Variants in ALDH1A1 observed in about 807,000 individuals in gnomAD.
The protein encoded by ALDH1A1 is aldehyde dehydrogenase 1A1.
A neutral mutation model predicts 62.1 loss-of-function variants in ALDH1A1; 19 were observed. The ratio of observed to expected loss-of-function variants is 0.31; its 90% confidence interval spans 0.21 to 0.45. ALDH1A1 has a LOEUF of 0.45. Among genes scored for constraint, ALDH1A1 ranks in the 20% least tolerant of loss-of-function variants. ALDH1A1 has a pLI of 1.00. For missense variants in ALDH1A1, 521 were observed against 607.1 expected (o/e 0.86, Z 1.49); for synonymous variants, 231 against 215.9 (o/e 1.07, Z -0.61).
chr9:72,935,962 T>A (rs997025929), intron 2 of ALDH1A1, among the ~76,000 whole-genome samples: 8 of 152,182 alleles, frequency 5.3e-5, no homozygotes, highest in African/African-American at 1.9e-4. Context: ...TAAAAATATG[T>A]TTTAAAATAA....
At chr9:72,910,229 C>T (rs920648934) in intron 10 of ALDH1A1, among the ~76,000 whole-genome samples, 1 of 152,122 alleles carries the variant, frequency 6.6e-6, no homozygotes, top group South Asian at 2.1e-4. Flanking sequence ...AATAATAATG[C>T]TTTAAATACC....
chr9:72,906,688 G>C (rs903006857), intron 11 of ALDH1A1, among the ~76,000 whole-genome samples: 4 of 152,150 alleles, frequency 2.6e-5, no homozygotes, highest in African/African-American at 7.2e-5. Flanking sequence ...GGGAAAATTA[G>C]AATGCAGTTT....
chr9:72,934,078 G>A (rs1390205790), intron 2 of ALDH1A1, among the ~76,000 whole-genome samples: 1 of 152,102 alleles, frequency 6.6e-6, no homozygotes, highest in East Asian at 1.9e-4. Context: ...TTGCAGGCAT[G>A]AGCCACCGTC....
chr9:72,935,219 A>T (rs972387724), intron 2 of ALDH1A1, among the ~76,000 whole-genome samples: 1 of 152,178 alleles, frequency 6.6e-6, no homozygotes, highest in African/African-American at 2.4e-5. Context: ...AGCATTTTTT[A>T]AATTTTTATT....
intron 1 of ALDH1A1, among the ~76,000 whole-genome samples, chr9:72,948,168 T>C (rs1830496398): frequency 6.6e-6 from 1 of 151,882 alleles, no homozygotes; most frequent in African/African-American, 2.4e-5. Context: ...AGCTGGAAAT[T>C]GAAGCCAGGT....
chr9:72,915,219 T>A lies in ALDH1A1; in HGVS notation c.1035+1701A>T, dbSNP rs191100439. On this transcript the variant is annotated intron_variant, in intron 9 of 12. Coordinates refer to ENST00000297785, the MANE Select transcript of ALDH1A1 (RefSeq NM_000689.5). ...TACTTTAGAATCTTACAAATAGGAATTTTTAAGTCTATTTTAACTTCCTTA... is the reference window on the plus strand; with the variant it reads ...TACTTTAGAATCTTACAAATAGGAAATTTTAAGTCTATTTTAACTTCCTTA... Among the ~76,000 whole-genome samples, 387 of 152,304 alleles carry A rather than the reference T, an allele frequency of 2.5e-3. 3 individuals carry two copies. The highest frequency in any genetic ancestry group is 8.9e-3 in the African/African-American group (368 of 41,572).
chr9:72,917,084 C>A lies in ALDH1A1; in HGVS notation c.871G>T (p.Ala291Ser). 6.2e-7 allele frequency: 1 copy of A among 1,603,686 alleles called. No homozygotes were observed. Among genetic ancestry groups the A allele is most frequent in the Non-Finnish European group, 8.5e-7 (1 of 1,174,588 alleles). Residue 291 changes from alanine to serine, a missense_variant, in exon 9 of 13, where the codon GCA becomes TCA. Physicochemically the swap from Ala to Ser is moderately conservative, Grantham distance 99. Coordinates refer to ENST00000297785, the MANE Select transcript of ALDH1A1 (RefSeq NM_000689.5). ...TGGTGGTAGAATACCCCATGGTGTG[C>A]AAATTCAACAGCATTGTCCACTGCG... is the stretch of plus-strand genomic sequence containing the variant. ...DADLDNAVEF[A>S]HHGVFYHQGQ...
intron 11 of ALDH1A1, among the ~76,000 whole-genome samples, chr9:72,909,013 A>G (rs1829942819): frequency 6.6e-6 from 1 of 152,174 alleles, no homozygotes. Flanking sequence ...CCCTGTATAC[A>G]GCATAGTACC....
chr9:72,908,121 G>A (rs1034529688), intron 11 of ALDH1A1, among the ~76,000 whole-genome samples: 1 of 151,946 alleles, frequency 6.6e-6, no homozygotes, highest in East Asian at 2.0e-4. Flanking sequence ...CACAGCCTTA[G>A]AATATTGTAT....
At chr9:72,914,747 A>ATG (rs976950728) in intron 9 of ALDH1A1, among the ~76,000 whole-genome samples, 2 of 151,820 alleles carry the variant, frequency 1.3e-5, no homozygotes, top group African/African-American at 2.4e-5. Flanking sequence ...ATATATATAT[A>ATG]TTTTGTAATT....
chr9:72,918,209 T>C (rs923764511), intron 8 of ALDH1A1, among the ~76,000 whole-genome samples: 3 of 152,234 alleles, frequency 2.0e-5, no homozygotes, highest in Middle Eastern at 6.8e-3. Flanking sequence ...AATTTGTAGG[T>C]TTAATGTACA....
At chr9:72,908,587 GAAAGAAAGAAAGAA>G (rs1829928804) in intron 11 of ALDH1A1, among the ~76,000 whole-genome samples, 1 of 136,560 alleles carries the variant, frequency 7.3e-6, no homozygotes, top group Non-Finnish European at 1.6e-5. Context: ...AAGAAAGAAA[GAAAGAAAGAAAGAA>G]AGAAAGAAAG....
At chr9:72,925,100 G>A (rs1162461521) in intron 6 of ALDH1A1, among the ~76,000 whole-genome samples, 1 of 152,178 alleles carries the variant, frequency 6.6e-6, no homozygotes, top group Non-Finnish European at 1.5e-5. Flanking sequence ...ACCTTACATA[G>A]ATTAGTTTAC....
intron 11 of ALDH1A1, among the ~76,000 whole-genome samples, chr9:72,908,642 G>A (rs1829935917): frequency 6.6e-6 from 1 of 151,206 alleles, no homozygotes; most frequent in African/African-American, 2.4e-5. Context: ...TATTGCATAG[G>A]TCTGATCTAG....
intron 11 of ALDH1A1, among the ~76,000 whole-genome samples, chr9:72,907,893 C>G (rs1564621741): frequency 6.6e-6 from 1 of 152,144 alleles, no homozygotes; most frequent in South Asian, 2.1e-4. Context: ...ACCGACTATT[C>G]AAGAAGAACT....
chr9:72,911,930 AAGAAC>A (rs1421957589), intron 10 of ALDH1A1, 23 bp downstream of exon 10: 3 of 1,612,626 alleles, frequency 1.9e-6, no homozygotes, highest in South Asian at 2.2e-5. Context: ...TGGCAACAAA[AAGAAC>A]AGAACAGAAT....
intron 1 of ALDH1A1, among the ~76,000 whole-genome samples, chr9:72,944,436 T>C (rs1292816567): frequency 5.3e-5 from 8 of 152,076 alleles, no homozygotes. Context: ...TTCTTCCCCT[T>C]AGCTACAGAT....
intron 11 of ALDH1A1, among the ~76,000 whole-genome samples, chr9:72,908,605 AAGAAAGAAAG>A (rs1323953333): frequency 5.0e-5 from 7 of 140,560 alleles, no homozygotes; most frequent in Admixed American, 1.4e-4. Flanking sequence ...GAAAGAAAGA[AAGAAAGAAAG>A]AAAGAAAGAA....
intron 9 of ALDH1A1, among the ~76,000 whole-genome samples, chr9:72,914,758 G>A (rs1426702419): frequency 3.3e-5 from 5 of 151,566 alleles, no homozygotes; most frequent in Non-Finnish European, 7.4e-5. Flanking sequence ...TTTTGTAATT[G>A]CTCTAACCCC....
Sources: gnomAD v4.1 joint callset for allele counts (sites outside exome capture counted in the v4.1 genomes callset) on GRCh38, gnomAD v4.1.1 for gene constraint, MANE v1.5 for transcripts, NCBI Gene and HGNC (gene_info 2026-07-23, HGNC 2026-07-21) for gene names.